The following MBTPS1 variants were observed in gnomAD, a reference collection of about 807,000 sequenced individuals.
MBTPS1 encodes membrane-bound transcription factor site-1 protease.
Under a neutral mutation model 127.8 loss-of-function variants are expected in MBTPS1, and 94 were observed. That is an observed-to-expected ratio of 0.74 (90% CI 0.62 to 0.87). MBTPS1 has a LOEUF of 0.87. Ranked by LOEUF, MBTPS1 falls within the 40% of genes least tolerant of loss-of-function variation. The probability of loss-of-function intolerance (pLI) is 0.00; values close to 1 mark genes in which losing one functional copy is unlikely to be tolerated. For synonymous variants in MBTPS1, 632 were observed against 509.4 expected (o/e 1.24, Z -3.24); for missense variants, 1,636 against 1,353.2 (o/e 1.21, Z -3.28).
At chr16:84,073,279 G>A (rs561805049) in intron 12 of MBTPS1, among the ~76,000 whole-genome samples, 4 of 152,086 alleles carry the variant, frequency 2.6e-5, no homozygotes, top group Admixed American at 1.3e-4. Flanking sequence ...GATTACAAGC[G>A]TGTGTCACCA....
At chr16:84,093,901 C>CAGAAAATGA in intron 4 of MBTPS1, 80 bp from the exon 5 acceptor site, 1 of 997,770 alleles carries the variant, frequency 1.0e-6, no homozygotes, top group Non-Finnish European at 1.6e-6. Flanking sequence ...TACATTCCTT[C>CAGAAAATGA]CTGGGACCCA....
chr16:84,099,429 G>A (rs776036917), intron 2 of MBTPS1, 119 bp from the exon 3 acceptor site: 14 of 995,368 alleles, frequency 1.4e-5, no homozygotes, highest in South Asian at 1.7e-5. Context: ...CACAGCAGAC[G>A]AGAGAAAACA....
At chr16:84,066,292 A>G (rs1567475746) in intron 17 of MBTPS1, among the ~76,000 whole-genome samples, 197 bp downstream of exon 17, 1 of 151,466 alleles carries the variant, frequency 6.6e-6, no homozygotes, top group Non-Finnish European at 1.5e-5. Flanking sequence ...ATGGCTACAT[A>G]AAATATTTTC....
In MBTPS1 at chr16:84,070,616, A is replaced by G; in HGVS notation, c.1754T>C (p.Ile585Thr). The change falls in exon 13 of 23, where the codon ATC (isoleucine) becomes ACC (threonine). Residue 585 changes from isoleucine to threonine, a missense_variant. Physicochemically the swap from Ile to Thr is moderately conservative, Grantham distance 89. Coordinates refer to ENST00000343411, the MANE Select transcript of MBTPS1 (RefSeq NM_003791.4). ...TGTCTCTGCTGGGGAAGCCACAGTG[A>G]TCATGACATGGCCCTGAGCAATGCC... ...WEGIAQGHVM[I>T]TVASPAETES... The G allele has an allele frequency of 6.2e-7, 1 of 1,612,944 alleles. No homozygotes were observed. Among genetic ancestry groups the G allele is most frequent in the Non-Finnish European group, 8.5e-7 (1 of 1,179,848 alleles).
rs2151177470 is a variant in MBTPS1, at chr16:84,114,908, C to T, written c.-325+1827G>A. The stretch of plus-strand genomic sequence containing the variant: ...GGCAGCAATGTACAGTTCACCTTAG[C>T]CTTCAGTCTTCCAAGTTTTTTTTTG... On this transcript the variant is annotated intron_variant, in intron 1 of 22. Coordinates refer to ENST00000343411, the MANE Select transcript of MBTPS1 (RefSeq NM_003791.4). 1.3e-5 allele frequency among the ~76,000 whole-genome samples: 2 copies of T among 151,854 alleles called. 1 individual carries two copies. The highest frequency in any genetic ancestry group is 4.2e-4 in the South Asian group (2 of 4,790).
At chr16:84,067,523 G>T in intron 16 of MBTPS1, 144 bp downstream of exon 16, 1 of 663,630 alleles carries the variant, frequency 1.5e-6, no homozygotes. Flanking sequence ...CAGTCGAAAG[G>T]GCTTTTTTTC....
At position 84,081,746 on chromosome 16, in the gene MBTPS1, C is replaced by A; in HGVS notation, c.1448+1G>T. On this transcript the variant is annotated splice_donor_variant, in intron 11 of 22. Coordinates refer to ENST00000343411, the MANE Select transcript of MBTPS1 (RefSeq NM_003791.4). LOFTEE classifies it high-confidence loss of function. The stretch of plus-strand genomic sequence containing the variant: ...ACCCATCGGCAGGGCGGTGCACTGA[C>A]CTTGCCTGTGGCTTGTAGCTGTTGA... 1.4e-6 allele frequency: 2 copies of A among 1,385,408 alleles called. No individual in the cohort carries two copies. Among genetic ancestry groups the A allele is most frequent in the Non-Finnish European group, 1.9e-6 (2 of 1,057,830 alleles). The allele number at this position is 1,385,408 out of a possible 1,614,324, so 85.8% of individuals were successfully genotyped here.
intron 12 of MBTPS1, 67 bp from the exon 13 acceptor site, chr16:84,070,843 G>C: frequency 7.7e-7 from 1 of 1,293,414 alleles, no homozygotes. Flanking sequence ...GTGGAAACCA[G>C]AAAAACTCAA....
In MBTPS1 at chr16:84,087,472, C is replaced by CAAA; in HGVS notation, c.1032-13_1032-12insTTT. ...GGTTATTCAGAGTGCTATATTGAGA[C>CAAA]CAAAAAAAAAAAAAAAGAAAAGAAA... On this transcript the variant is annotated splice_polypyrimidine_tract_variant and intron_variant, in intron 8 of 22. Coordinates refer to ENST00000343411, the MANE Select transcript of MBTPS1 (RefSeq NM_003791.4). The CAAA allele has an allele frequency of 1.0e-6, 1 of 981,950 alleles. No homozygotes were observed. Among genetic ancestry groups the CAAA allele is most frequent in the South Asian group, 2.1e-5 (1 of 46,702 alleles). The allele number at this position is 981,950 out of a possible 1,614,324, so 60.8% of individuals were successfully genotyped here. A position where few individuals can be genotyped will look rare whatever the true frequency, so the allele number is the denominator to read the frequency against.
At chr16:84,089,193 G>C (rs965929874) in intron 8 of MBTPS1, among the ~76,000 whole-genome samples, 2 of 152,270 alleles carry the variant, frequency 1.3e-5, no homozygotes, top group African/African-American at 4.8e-5. Context: ...GTGTACATGG[G>C]GAAGTGGAAG....
At chr16:84,098,044 C>A (rs1257104015) in intron 3 of MBTPS1, among the ~76,000 whole-genome samples, 3 of 151,884 alleles carry the variant, frequency 2.0e-5, no homozygotes, top group African/African-American at 7.3e-5. Flanking sequence ...GAAAAAAAAC[C>A]CTTTTCCTTT....
Position 84,093,713 on chromosome 16 carries a change from T to C in MBTPS1, c.734A>G (p.Asp245Gly), listed in dbSNP as rs2086141802. 2 of 1,608,988 alleles carry C rather than the reference T, an allele frequency of 1.2e-6. No individual in the cohort carries two copies. The highest frequency in any genetic ancestry group is 2.7e-5 in the African/African-American group (2 of 74,838). The change falls in exon 5 of 23, where the codon GAT becomes GGT. Residue 245 changes from aspartate to glycine, a missense_variant and splice_region_variant. Asp to Gly is a moderately conservative substitution (Grantham distance 94). Transcript: ENST00000343411. ...TTCTCACTGCTGCTGAGACCCACCATCGTCCAGCGTTCGCTCGTTGGTCCA... is the reference window on the plus strand; with the variant it reads ...TTCTCACTGCTGCTGAGACCCACCACCGTCCAGCGTTCGCTCGTTGGTCCA... ...TNWTNERTLDDGLGHGTFVAG... is the reference protein window; with the variant it reads ...TNWTNERTLDGGLGHGTFVAG...
intron 9 of MBTPS1, among the ~76,000 whole-genome samples, 170 bp downstream of exon 9, chr16:84,087,188 G>A (rs143130469): frequency 9.7e-4 from 147 of 152,314 alleles, no homozygotes; most frequent in African/African-American, 3.3e-3. Flanking sequence ...ACGGGGCCCA[G>A]ATCTCTCGTC....
intron 1 of MBTPS1, among the ~76,000 whole-genome samples, chr16:84,107,377 T>G (rs1280049492): frequency 6.6e-6 from 1 of 151,970 alleles, no homozygotes; most frequent in East Asian, 1.9e-4. Flanking sequence ...AAAAATCCCA[T>G]GGGGATGAAT....
chr16:84,085,777 G>A (rs1289991807), intron 9 of MBTPS1, among the ~76,000 whole-genome samples: 1 of 151,842 alleles, frequency 6.6e-6, no homozygotes. Flanking sequence ...TTATCACCAA[G>A]ACCAGAAACT....
At position 84,063,676 on chromosome 16, in the gene MBTPS1, T is replaced by C. The variant is rs188487663; in HGVS notation, c.2432-231A>G. On this transcript the variant is annotated intron_variant, in intron 18 of 22. Coordinates refer to ENST00000343411, the MANE Select transcript of MBTPS1 (RefSeq NM_003791.4). ...AAAATTCACTTTGTGTGTATTTCCG[T>C]ATCTATCCACTTTCATTTTTACTTG... 6.1e-4 allele frequency among the ~76,000 whole-genome samples: 93 copies of C among 152,348 alleles called. 1 individual carries two copies. The highest frequency in any genetic ancestry group is 2.1e-3 in the African/African-American group (87 of 41,574).
Position 84,062,044 on chromosome 16 carries a change from G to C in MBTPS1, c.2573-1231C>G, listed in dbSNP as rs180705323. Among the ~76,000 whole-genome samples the C allele has an allele frequency of 3.1e-3, 477 of 152,256 alleles. 3 individuals are homozygous for C. The highest frequency in any genetic ancestry group is 0.011 in the African/African-American group (454 of 41,528). ...AAAGACTCTTACCAGGAGATCTCAG[G>C]TCTTAAAATCTCTGTGGAAATAAAA... On this transcript the variant is annotated intron_variant, in intron 19 of 22. Coordinates refer to ENST00000343411, the MANE Select transcript of MBTPS1 (RefSeq NM_003791.4).
At chr16:84,091,646 C>G in intron 7 of MBTPS1, 86 bp downstream of exon 7, 1 of 876,054 alleles carries the variant, frequency 1.1e-6, no homozygotes, top group South Asian at 1.4e-5. Flanking sequence ...GATGAAAAGC[C>G]ACCAACACAC....
intron 1 of MBTPS1, among the ~76,000 whole-genome samples, chr16:84,116,150 T>C (rs2086473923): frequency 6.6e-6 from 1 of 152,092 alleles, no homozygotes; most frequent in African/African-American, 2.4e-5. Flanking sequence ...TGTAGACAAA[T>C]AGGCCAAGAT....
Sources: allele counts gnomAD v4.1 joint callset (sites outside exome capture counted in the v4.1 genomes callset), GRCh38; gene constraint gnomAD v4.1.1; transcripts MANE v1.5; gene names NCBI Gene and HGNC (gene_info 2026-07-23, HGNC 2026-07-21).